Variants in CNTNAP2 observed in about 807,000 individuals in gnomAD.
The protein encoded by CNTNAP2 is contactin-associated protein-like 2.
A neutral mutation model predicts 155.2 loss-of-function variants in CNTNAP2; 98 were observed. That is an observed-to-expected ratio of 0.63 (90% CI 0.54 to 0.75). CNTNAP2 has a LOEUF of 0.75. Ranked by LOEUF, CNTNAP2 falls within the 30% of genes least tolerant of loss-of-function variation. The probability of loss-of-function intolerance (pLI) is 0.00; values close to 1 mark genes in which losing one functional copy is unlikely to be tolerated. For synonymous variants in CNTNAP2, 651 were observed against 631.2 expected (o/e 1.03, Z -0.47); for missense variants, 1,727 against 1,688.1 (o/e 1.02, Z -0.40).
intron 13 of CNTNAP2, among the ~76,000 whole-genome samples, chr7:147,783,322 GT>G (rs936506780): frequency 2.5e-4 from 38 of 152,200 alleles, no homozygotes; most frequent in African/African-American, 7.7e-4. Flanking sequence ...CTTCATTGTT[GT>G]TTGTGAATTT....
intron 1 of CNTNAP2, among the ~76,000 whole-genome samples, chr7:146,763,309 A>T (rs1802137139): frequency 6.6e-6 from 1 of 152,062 alleles, no homozygotes; most frequent in Admixed American, 6.6e-5. Flanking sequence ...TCTCTTTTCC[A>T]TTAAGTTCTG....
intron 12 of CNTNAP2, among the ~76,000 whole-genome samples, chr7:147,598,090 C>T (rs186662319): frequency 1.4e-3 from 210 of 152,278 alleles, no homozygotes; most frequent in Non-Finnish European, 2.2e-3. Context: ...TGCCAAACCC[C>T]TGTGGGGTAA....
chr7:147,345,066 TA>T (rs1348003572), intron 9 of CNTNAP2, among the ~76,000 whole-genome samples: 3 of 152,190 alleles, frequency 2.0e-5, no homozygotes, highest in Non-Finnish European at 4.4e-5. Context: ...GGTGTACACA[TA>T]AAATTTAAGT....
At chr7:147,925,292 G>GCGCGCGCACACA (rs1345390357) in intron 14 of CNTNAP2, among the ~76,000 whole-genome samples, 1 of 143,116 alleles carries the variant, frequency 7.0e-6, no homozygotes, top group African/African-American at 2.6e-5. Flanking sequence ...AAGCGCGCGC[G>GCGCGCGCACACA]CACACACACA....
At chr7:147,293,163 T>G (rs902919287) in intron 8 of CNTNAP2, among the ~76,000 whole-genome samples, 3 of 152,192 alleles carry the variant, frequency 2.0e-5, no homozygotes, top group African/African-American at 7.2e-5. Flanking sequence ...TTCAAGTGAT[T>G]TTTCCAAAAT....
chr7:146,893,431 ATG>A (rs1325952553), intron 3 of CNTNAP2, among the ~76,000 whole-genome samples: 10 of 149,918 alleles, frequency 6.7e-5, no homozygotes, highest in East Asian at 5.9e-4. Flanking sequence ...ATATATACAT[ATG>A]TGTGTGTATG....
chr7:148,297,536 TG>T (rs1797308060), intron 21 of CNTNAP2, among the ~76,000 whole-genome samples: 1 of 152,180 alleles, frequency 6.6e-6, no homozygotes, highest in African/African-American at 2.4e-5. Context: ...AAGAGGATGC[TG>T]GAAAGAGGGT....
intron 9 of CNTNAP2, among the ~76,000 whole-genome samples, chr7:147,305,389 GC>G (rs1315065545): frequency 6.6e-6 from 1 of 152,130 alleles, no homozygotes; most frequent in Non-Finnish European, 1.5e-5. Context: ...GCATTTGGCT[GC>G]CTGAAAATTT....
chr7:147,842,655 A>G (rs1798771369), intron 13 of CNTNAP2, among the ~76,000 whole-genome samples: 2 of 98,606 alleles, frequency 2.0e-5, no homozygotes, highest in East Asian at 2.8e-4. Context: ...GGTTAGTTAC[A>G]TATGTATACA....
At chr7:147,026,982 A>AAAAAC (rs909221600) in intron 3 of CNTNAP2, among the ~76,000 whole-genome samples, 9 of 150,174 alleles carry the variant, frequency 6.0e-5, no homozygotes, top group African/African-American at 2.2e-4. Flanking sequence ...CTCCAGGAGG[A>AAAAAC]AAAACAAAAC....
intron 13 of CNTNAP2, among the ~76,000 whole-genome samples, chr7:147,753,176 GCTGATTA>G (rs949985547): frequency 2.5e-4 from 38 of 152,320 alleles, no homozygotes; most frequent in African/African-American, 7.7e-4. Context: ...TGAATGTAAA[GCTGATTA>G]CCCATCAGAG....
At chr7:148,339,111 A>G (rs1283711162) in intron 21 of CNTNAP2, among the ~76,000 whole-genome samples, 4 of 152,192 alleles carry the variant, frequency 2.6e-5, no homozygotes, top group Non-Finnish European at 5.9e-5. Flanking sequence ...TATTAATGCC[A>G]TCCACAACAA....
chr7:146,443,077 G>A lies in CNTNAP2; in HGVS notation c.97+326104G>A, dbSNP rs564291864. Among the ~76,000 whole-genome samples the A allele has an allele frequency of 3.1e-3, 473 of 151,940 alleles. 5 individuals carry two copies. Among genetic ancestry groups the A allele is most frequent in the African/African-American group, 0.011 (455 of 41,474 alleles). The stretch of plus-strand genomic sequence containing the variant: ...ATACAAAAAAAAATTAGCTGGGCGT[G>A]GTGGCGGGCGACTGTAGTCCCAGCT... On this transcript the variant is annotated intron_variant, in intron 1 of 23. Coordinates refer to ENST00000361727, the MANE Select transcript of CNTNAP2 (RefSeq NM_014141.6).
intron 1 of CNTNAP2, among the ~76,000 whole-genome samples, chr7:146,584,646 C>G (rs947776938): frequency 6.6e-6 from 1 of 152,118 alleles, no homozygotes; most frequent in African/African-American, 2.4e-5. Context: ...CATAAGCTCT[C>G]TTGTTGTAGT....
At chr7:147,621,136 A>T (rs1212754546) in intron 12 of CNTNAP2, among the ~76,000 whole-genome samples, 1 of 152,162 alleles carries the variant, frequency 6.6e-6, no homozygotes, top group African/African-American at 2.4e-5. Flanking sequence ...TCTGGTGATG[A>T]TATCCTTCAA....
At chr7:147,545,707 G>T (rs1345418514) in intron 11 of CNTNAP2, among the ~76,000 whole-genome samples, 6 of 152,104 alleles carry the variant, frequency 3.9e-5, no homozygotes, top group African/African-American at 9.7e-5. Context: ...CAGCAAGCCA[G>T]CCCAGCTTTC....
rs535397551 is a variant in CNTNAP2 at position 146,887,645 on chromosome 7, G to A, written c.402+47741G>A. On this transcript the variant is annotated intron_variant, in intron 3 of 23. Coordinates refer to ENST00000361727, the MANE Select transcript of CNTNAP2 (RefSeq NM_014141.6). ...AAATTTTGTTGAAATCCAGGCATAC[G>A]GTCTATATTCCCCTGTATTTTCTCT... Among the ~76,000 whole-genome samples the A allele has an allele frequency of 7.9e-5, 12 of 151,550 alleles. No homozygotes were observed. In the East Asian group the frequency reaches 1.2e-3, roughly 15 times the overall value.
intron 15 of CNTNAP2, among the ~76,000 whole-genome samples, chr7:148,045,876 G>A (rs1802765486): frequency 6.6e-6 from 1 of 152,102 alleles, no homozygotes; most frequent in African/African-American, 2.4e-5. Flanking sequence ...GGTAAAATAC[G>A]TTTGATACTA....
At chr7:146,381,960 C>T (rs1043312969) in intron 1 of CNTNAP2, among the ~76,000 whole-genome samples, 3 of 152,070 alleles carry the variant, frequency 2.0e-5, no homozygotes, top group African/African-American at 7.2e-5. Context: ...TAAGGTTTGC[C>T]CCCATATGAT....
Sources: allele counts gnomAD v4.1 joint callset (sites outside exome capture counted in the v4.1 genomes callset), GRCh38; gene constraint gnomAD v4.1.1; transcripts MANE v1.5; gene names NCBI Gene and HGNC (gene_info 2026-07-23, HGNC 2026-07-21).